Variants in GNAS observed in about 807,000 individuals in gnomAD.
GNAS encodes protein ALEX.
GNAS carries 8 observed loss-of-function variants against 54.5 expected under a neutral mutation model. That is an observed-to-expected ratio of 0.15 (90% CI 0.09 to 0.26). The LOEUF is 0.26. GNAS is among the 10% of genes least tolerant of loss of function. The pLI, the probability that GNAS is intolerant of heterozygous loss-of-function variation, is 1.00. For missense variants in GNAS, 170 were observed against 529.8 expected (o/e 0.32, Z 6.67); for synonymous variants, 204 against 191.4 (o/e 1.07, Z -0.54).
chr20:58,882,909 A>G (rs2088334728), intron 1 of GNAS: 1 of 152,050 alleles, frequency 6.6e-6, no homozygotes. Context: ...TTTCATTTAT[A>G]TTTTTACCTG....
At chr20:58,895,230 A>T in intron 1 of GNAS, 1 of 344,708 alleles carries the variant, frequency 2.9e-6, no homozygotes, top group South Asian at 2.4e-5. Context: ...GTGAATGTTC[A>T]TGTATCAGGG....
Position 58,910,996 on chromosome 20 carries a change from T to A in GNAS, c.*167T>A. The A allele has an allele frequency of 2.7e-6, 2 of 740,998 alleles. No homozygotes were observed. The highest frequency in any genetic ancestry group is 2.4e-6 in the Non-Finnish European group (1 of 423,448). 45.9% of individuals were successfully genotyped at this position (740,998 alleles called of 1,614,324 possible). On this transcript the variant is annotated 3_prime_UTR_variant, in exon 13 of 13. Coordinates refer to ENST00000371085, the MANE Select transcript of GNAS (RefSeq NM_000516.7). The surrounding 1 kb of genome is among the most constrained non-coding windows in gnomAD (Gnocchi z 5.8). ...CCCTTTTCCCTTCAGCTTGCTTAGA[T>A]GTTCCAAATTTAGAAAGCTTAAGGC...
intron 1 of GNAS, 43 bp downstream of exon 1, chr20:58,891,908 C>A: frequency 1.0e-6 from 1 of 986,482 alleles, no homozygotes; most frequent in South Asian, 4.1e-5. Context: ...CGGGGGCCCT[C>A]GAAGGGCGCC....
chr20:58,882,381 G>A (rs913187325), intron 1 of GNAS, among the ~76,000 whole-genome samples: 2 of 152,224 alleles, frequency 1.3e-5, no homozygotes. Context: ...GGGAGCAACG[G>A]CTCCATTCTC....
chr20:58,889,182 T>A, upstream of GNAS: 1 of 1,215,066 alleles, frequency 8.2e-7, no homozygotes, highest in Non-Finnish European at 1.1e-6. Flanking sequence ...GGACACTCAG[T>A]CGCGTCGGCA....
At chr20:58,905,298 A>AC in intron 5 of GNAS, 85 bp from the exon 6 acceptor site, 1 of 816,586 alleles carries the variant, frequency 1.2e-6, no homozygotes, top group Non-Finnish European at 2.2e-6. Context: ...CACATAGGGA[A>AC]CTCTGGTCTC....
At chr20:58,861,372 A>G (rs1003264999) in intron 1 of GNAS, among the ~76,000 whole-genome samples, 29 of 152,238 alleles carry the variant, frequency 1.9e-4, no homozygotes, top group African/African-American at 6.3e-4. Context: ...AGCACTGGGC[A>G]GCCTAATTGA....
chr20:58,847,184 T>G (rs1236481191), intron 1 of GNAS, among the ~76,000 whole-genome samples: 2 of 152,246 alleles, frequency 1.3e-5, no homozygotes, highest in African/African-American at 4.8e-5. Flanking sequence ...GGGTCTGAAC[T>G]CACGATGGGG....
chr20:58,877,484 T>C (rs889855806), intron 1 of GNAS, among the ~76,000 whole-genome samples: 1 of 152,136 alleles, frequency 6.6e-6, no homozygotes, highest in Non-Finnish European at 1.5e-5. Flanking sequence ...TTGAAAGCCT[T>C]GGAGGGGTTT....
At chr20:58,854,539 T>C (rs2086348082) in intron 1 of GNAS, 1 of 1,549,624 alleles carries the variant, frequency 6.5e-7, no homozygotes, top group Admixed American at 1.8e-5. Flanking sequence ...TCCGGGGCAT[T>C]CGCAGCCGAT....
chr20:58,890,299 AGGGCGCCGTCGG>A (rs978303102), upstream of GNAS, among the ~76,000 whole-genome samples: 23 of 147,630 alleles, frequency 1.6e-4, no homozygotes, highest in Non-Finnish European at 2.6e-4. Context: ...GGCGCCGAGG[AGGGCGCCGTCGG>A]GGGCGCCGAG....
At chr20:58,880,010 T>A (rs755976227) in intron 1 of GNAS, among the ~76,000 whole-genome samples, 55 of 152,286 alleles carry the variant, frequency 3.6e-4, no homozygotes, top group Middle Eastern at 3.4e-3. Flanking sequence ...ACCTTTTATT[T>A]CAAAGTCACC....
rs1223675175 is a variant in GNAS, at chr20:58,882,180, C to T, written c.44-13432C>T. On this transcript the variant is annotated intron_variant, in intron 1 of 12. Transcript: ENST00000306090. ...GCCTCCCGGGTTCACGCCATTCTCC[C>T]GCCTCAGCCTCCCGAGTAGCTGGGA... 7.9e-5 allele frequency among the ~76,000 whole-genome samples: 12 copies of T among 152,176 alleles called. 1 individual carries two copies. Among genetic ancestry groups the T allele is most frequent in the Admixed American group, 1.3e-4 (2 of 15,300 alleles).
At position 58,841,383 on chromosome 20, in the gene GNAS, T is replaced by G. The variant is rs2085719472; in HGVS notation, c.43+497T>G. ...AGACACCGTTGAAATGTGCGGAAAG[T>G]AATCTGAATGGGAATGGGCGAGAAC... On this transcript the variant is annotated intron_variant, in intron 1 of 12. Transcript: ENST00000306090. This position sits in a 1 kb window ranked among gnomAD's most constrained non-coding sequence, Gnocchi z 5.0. 2.0e-6 allele frequency: 2 copies of G among 1,013,264 alleles called. No homozygotes were observed. Among genetic ancestry groups the G allele is most frequent in the South Asian group, 8.1e-5 (2 of 24,736 alleles). The allele number at this position is 1,013,264 out of a possible 1,614,324, so 62.8% of individuals were successfully genotyped here.
upstream of GNAS, chr20:58,840,671 AG>A: frequency 1.2e-6 from 2 of 1,604,794 alleles, no homozygotes; most frequent in Non-Finnish European, 1.7e-6. The surrounding 1 kb of genome is among the most constrained non-coding windows in gnomAD (Gnocchi z 6.0). Context: ...CCAGAGCCCC[AG>A]GGAAGGGGAG....
chr20:58,854,943 G>A (rs1448751869), intron 1 of GNAS: 1 of 1,606,220 alleles, frequency 6.2e-7, no homozygotes, highest in African/African-American at 1.3e-5. Flanking sequence ...GAGCAGCCGC[G>A]GCCGCCGCGT....
At chr20:58,885,836 G>T (rs956556320) in intron 1 of GNAS, among the ~76,000 whole-genome samples, 1 of 152,216 alleles carries the variant, frequency 6.6e-6, no homozygotes, top group Non-Finnish European at 1.5e-5. Flanking sequence ...TTGAAGACAG[G>T]AAACACTGTG....
At chr20:58,898,216 A>C (rs2090256628) in intron 2 of GNAS, 1 of 152,206 alleles carries the variant, frequency 6.6e-6, no homozygotes. Context: ...TTCAAGGAGG[A>C]ATTCCTACTG....
At chr20:58,890,979 G>A (rs1390692451), upstream of GNAS, among the ~76,000 whole-genome samples, 2 of 149,722 alleles carry the variant, frequency 1.3e-5, no homozygotes, top group Non-Finnish European at 3.0e-5. Flanking sequence ...CCAGCCCCTC[G>A]GCGGCGCCCG....
Sources: gnomAD v4.1 joint callset for allele counts (sites outside exome capture counted in the v4.1 genomes callset) on GRCh38, gnomAD v4.1.1 for gene constraint, Gnocchi (gnomAD v3.1) non-coding constraint, MANE v1.5 for transcripts, NCBI Gene and HGNC (gene_info 2026-07-23, HGNC 2026-07-21) for gene names.